Variants in GRXCR2 observed in about 807,000 individuals in gnomAD.
GRXCR2 encodes glutaredoxin and cysteine rich domain containing 2, also known as glutaredoxin domain-containing cysteine-rich protein 2.
In GRXCR2, 23 loss-of-function variants were observed where a neutral mutation model predicts 24.8. The observed-to-expected ratio is 0.93, with a 90% CI of 0.67 to 1.32. The LOEUF (loss-of-function observed/expected upper bound fraction) is 1.32. Among genes scored for constraint, GRXCR2 ranks in the 40% most tolerant of loss-of-function variants. The probability of loss-of-function intolerance (pLI) is 0.00; values close to 1 mark genes in which losing one functional copy is unlikely to be tolerated. For synonymous variants in GRXCR2, 130 were observed against 116.1 expected (o/e 1.12, Z -0.77); for missense variants, 315 against 303.4 (o/e 1.04, Z -0.28).
At chr5:145,876,804 T>A (rs1322459207), upstream of GRXCR2, among the ~76,000 whole-genome samples, 2 of 152,162 alleles carry the variant, frequency 1.3e-5, no homozygotes, top group East Asian at 1.9e-4. Flanking sequence ...TCCAGAATAG[T>A]CACAAATACA....
chr5:145,870,540 A>C (rs147748704), intron 1 of GRXCR2, among the ~76,000 whole-genome samples: 1 of 152,180 alleles, frequency 6.6e-6, no homozygotes, highest in Non-Finnish European at 1.5e-5. Flanking sequence ...TGCTATGAAC[A>C]ATGTTGTACA....
intron 2 of GRXCR2, among the ~76,000 whole-genome samples, chr5:145,899,654 A>T (rs1024360846): frequency 6.6e-6 from 1 of 152,174 alleles, no homozygotes; most frequent in African/African-American, 2.4e-5. Context: ...AAAAATAAGC[A>T]ACATGAAAAA....
At chr5:145,912,072 G>C (rs977637530) in intron 2 of GRXCR2, among the ~76,000 whole-genome samples, 8 of 152,194 alleles carry the variant, frequency 5.3e-5, no homozygotes, top group Admixed American at 2.6e-4. Context: ...ACTCCATCCT[G>C]AGAGACAGAG....
chr5:145,877,754 G>T (rs180945932), upstream of GRXCR2, among the ~76,000 whole-genome samples: 1 of 152,208 alleles, frequency 6.6e-6, no homozygotes, highest in Non-Finnish European at 1.5e-5. Flanking sequence ...AAAGCAGGGC[G>T]GGGCATTCCC....
At chr5:145,866,433 T>C in intron 2 of GRXCR2, 68 bp downstream of exon 2, 1 of 1,132,118 alleles carries the variant, frequency 8.8e-7, no homozygotes, top group Non-Finnish European at 1.3e-6. Context: ...CAGTGCACAA[T>C]CAAGCCAGCT....
At position 145,907,155 on chromosome 5, in the gene GRXCR2, G is replaced by A. The variant is rs144095534; in HGVS notation, c.-70+28546C>T. Among the ~76,000 whole-genome samples the A allele has an allele frequency of 7.3e-3, 1,105 of 152,280 alleles. 13 individuals carry two copies. The highest frequency in any genetic ancestry group is 0.025 in the African/African-American group (1,050 of 41,542). On this transcript the variant is annotated intron_variant, in intron 2 of 3. Transcript: ENST00000639411. ...GTGGGGATCTTGGAAGCCTTTTTAA[G>A]AATTTGCCTTTCATCCTGAGAGACA...
chr5:145,914,033 T>C (rs551971791), intron 2 of GRXCR2, among the ~76,000 whole-genome samples: 42 of 152,276 alleles, frequency 2.8e-4, no homozygotes, highest in African/African-American at 1.0e-3. Context: ...CTGGTGGAGC[T>C]GGTGAGTAAA....
intron 2 of GRXCR2, among the ~76,000 whole-genome samples, chr5:145,900,926 G>A (rs921851314): frequency 6.6e-6 from 1 of 152,106 alleles, no homozygotes; most frequent in African/African-American, 2.4e-5. Context: ...TTTTTTAAAG[G>A]TGGTACATAT....
chr5:145,863,953 G>T (rs373291773), intron 2 of GRXCR2, among the ~76,000 whole-genome samples: 4 of 152,284 alleles, frequency 2.6e-5, no homozygotes, highest in African/African-American at 9.6e-5. Context: ...TCTGATACTG[G>T]AACTACAATG....
chr5:145,884,938 G>A (rs1756757428), intron 2 of GRXCR2, among the ~76,000 whole-genome samples: 1 of 152,114 alleles, frequency 6.6e-6, no homozygotes, highest in Non-Finnish European at 1.5e-5. Flanking sequence ...TATTAGATAT[G>A]TGTCTTGATG....
At chr5:145,888,285 T>G (rs901009121) in intron 2 of GRXCR2, among the ~76,000 whole-genome samples, 2 of 152,174 alleles carry the variant, frequency 1.3e-5, no homozygotes, top group Non-Finnish European at 2.9e-5. Flanking sequence ...ACATACTTTG[T>G]ATCTACTAAG....
At chr5:145,921,719 G>C (rs1267726617) in intron 2 of GRXCR2, among the ~76,000 whole-genome samples, 2 of 152,090 alleles carry the variant, frequency 1.3e-5, no homozygotes. Flanking sequence ...AAACTGGCTT[G>C]GGATTTACCA....
intron 1 of GRXCR2, among the ~76,000 whole-genome samples, chr5:145,870,140 A>C (rs1756505585): frequency 6.6e-6 from 1 of 152,196 alleles, no homozygotes; most frequent in African/African-American, 2.4e-5. Context: ...CATTAAGTGC[A>C]TTCACATTAC....
chr5:145,876,219 A>G (rs1756614489), upstream of GRXCR2, among the ~76,000 whole-genome samples: 2 of 131,174 alleles, frequency 1.5e-5, no homozygotes, highest in Non-Finnish European at 3.3e-5. Context: ...ATATATATAC[A>G]CACACACACA....
intron 2 of GRXCR2, among the ~76,000 whole-genome samples, chr5:145,925,666 T>C (rs1757383224): frequency 6.6e-6 from 1 of 152,208 alleles, no homozygotes; most frequent in African/African-American, 2.4e-5. Flanking sequence ...CCATGGGATG[T>C]AGATTGTGTG....
rs1491328881 is a variant in GRXCR2, at chr5:145,929,198, CCT to C, written c.-70+6501_-70+6502del. Reference sequence around the variant, plus strand: ...TTTTAATAGTTGTATAATATTCCCCCCTATATATATATATATATATATATATC... The same window carrying C: ...TTTTAATAGTTGTATAATATTCCCCCATATATATATATATATATATATATC... On this transcript the variant is annotated intron_variant, in intron 2 of 3. Coordinates refer to the GRXCR2 transcript ENST00000639411. Among the ~76,000 whole-genome samples the C allele has an allele frequency of 6.6e-4, 58 of 88,380 alleles. 4 individuals are homozygous for C. Among genetic ancestry groups the C allele is most frequent in the East Asian group, 1.2e-3 (3 of 2,450 alleles). The allele number at this position is 88,380 out of a possible 152,430, so 58.0% of individuals were successfully genotyped here.
chr5:145,875,551 A>T (rs760357375), upstream of GRXCR2, among the ~76,000 whole-genome samples: 42 of 152,216 alleles, frequency 2.8e-4, no homozygotes, highest in Admixed American at 1.3e-3. Flanking sequence ...CCATCAAAAA[A>T]AAATAAATAA....
intron 2 of GRXCR2, among the ~76,000 whole-genome samples, chr5:145,892,217 T>G (rs1045256651): frequency 3.9e-5 from 6 of 152,012 alleles, no homozygotes; most frequent in African/African-American, 1.4e-4. Context: ...ACTCTAAAAA[T>G]CAGAGCGCCT....
chr5:145,914,986 GGT>G (rs1366980636), intron 2 of GRXCR2, among the ~76,000 whole-genome samples: 2 of 152,152 alleles, frequency 1.3e-5, no homozygotes, highest in African/African-American at 4.8e-5. Context: ...AGAGGTTCTT[GGT>G]AAGAATGAAA....
Sources: allele counts gnomAD v4.1 joint callset (sites outside exome capture counted in the v4.1 genomes callset), GRCh38; gene constraint gnomAD v4.1.1; transcripts MANE v1.5; gene names NCBI Gene and HGNC (gene_info 2026-07-23, HGNC 2026-07-21).